CDYL: variants seen among roughly 807,000 people sequenced by gnomAD.
The protein encoded by CDYL is chromodomain Y-like protein.
A neutral mutation model predicts 47.3 loss-of-function variants in CDYL; 8 were observed. The observed-to-expected ratio is 0.17, with a 90% confidence interval of 0.10 to 0.31. CDYL has a LOEUF of 0.31. Ranked by LOEUF, CDYL falls within the 10% of genes least tolerant of loss-of-function variation. CDYL has a pLI of 1.00. For synonymous variants in CDYL, 266 were observed against 265.0 expected, an observed-to-expected ratio of 1.00 and a Z score of -0.04; for missense variants, 471 against 701.4, an observed-to-expected ratio of 0.67 and a Z score of 3.71.
At chr6:4,707,992 A>G (rs1454441019) in intron 1 of CDYL, among the ~76,000 whole-genome samples, 1 of 149,608 alleles carries the variant, frequency 6.7e-6, no homozygotes, top group Non-Finnish European at 1.5e-5. Context: ...TTTAAAAAAT[A>G]TTAATTCTGT....
chr6:4,835,639 C>G (rs941368126), intron 1 of CDYL, among the ~76,000 whole-genome samples: 1 of 152,180 alleles, frequency 6.6e-6, no homozygotes, highest in Non-Finnish European at 1.5e-5. Context: ...GCAGAGCTTA[C>G]TGCTGTCTTT....
rs549758411 is a variant in CDYL at position 4,781,980 on chromosome 6, C to A, written c.24+5173C>A. Among the ~76,000 whole-genome samples the A allele has an allele frequency of 1.1e-4, 15 of 140,334 alleles. No individual in the cohort carries two copies. The South Asian group carries it at 3.0e-3, about 28-fold the overall frequency. The allele number at this position is 140,334 out of a possible 152,430, so 92.1% of individuals were successfully genotyped here. The stretch of plus-strand genomic sequence containing the variant: ...GACAGGAATCTTATGTTCCGAGAAG[C>A]TTCTTTTTGGAATGCAGGTGGATTT... On this transcript the variant is annotated intron_variant, in intron 1 of 6. Coordinates refer to ENST00000397588, the MANE Select transcript of CDYL (RefSeq NM_004824.4).
At chr6:4,942,466 T>G (rs1758388235) in intron 4 of CDYL, among the ~76,000 whole-genome samples, 1 of 152,202 alleles carries the variant, frequency 6.6e-6, no homozygotes, top group Non-Finnish European at 1.5e-5. Flanking sequence ...GCATCTAGAT[T>G]GTTATTTTCA....
In CDYL at chr6:4,892,052, A is replaced by G. The variant is rs200953580; in HGVS notation, c.364A>G (p.Asn122Asp). 8 of 1,614,098 alleles carry G rather than the reference A, an allele frequency of 5.0e-6. No individual in the cohort carries two copies. The highest frequency in any genetic ancestry group is 5.9e-6 in the Non-Finnish European group (7 of 1,180,046). The change falls in exon 2 of 7, where the codon AAC (asparagine) becomes GAC (aspartate). Residue 122 changes from asparagine (N) to aspartate (D), a missense_variant. Asn to Asp is a conservative substitution (Grantham distance 23, BLOSUM62 1). Transcript: ENST00000397588. ...LFAASQKFRK[N>D]TAPSLSSRKN... ...TGCTGCCAGCCAGAAGTTCAGGAAG[A>G]ACACAGCTCCATCTCTCTCCAGCCG...
intron 1 of CDYL, among the ~76,000 whole-genome samples, chr6:4,811,494 C>G (rs1446537032): frequency 1.3e-5 from 2 of 152,032 alleles, no homozygotes; most frequent in Non-Finnish European, 2.9e-5. Flanking sequence ...AGTTGGCCCT[C>G]TCTGTACTTA....
chr6:4,812,662 G>GTCT (rs1759562235), intron 1 of CDYL, among the ~76,000 whole-genome samples: 1 of 151,904 alleles, frequency 6.6e-6, no homozygotes, highest in African/African-American at 2.4e-5. Context: ...AAATTCCACA[G>GTCT]TCTTCTATAG....
intron 2 of CDYL, among the ~76,000 whole-genome samples, chr6:4,912,115 A>G (rs1757431281): frequency 6.6e-6 from 1 of 152,240 alleles, no homozygotes; most frequent in Non-Finnish European, 1.5e-5. Flanking sequence ...AGCGCTAAAC[A>G]GTCAAATGAA....
chr6:4,717,102 G>A (rs952112732), intron 2 of CDYL, among the ~76,000 whole-genome samples: 7 of 152,102 alleles, frequency 4.6e-5, no homozygotes, highest in African/African-American at 1.2e-4. Context: ...AGAAAAGGGT[G>A]GGTAGGATAT....
intron 1 of CDYL, among the ~76,000 whole-genome samples, chr6:4,813,075 A>T (rs964169528): frequency 6.6e-6 from 1 of 152,180 alleles, no homozygotes; most frequent in Non-Finnish European, 1.5e-5. Context: ...TTTGCTGGAC[A>T]CTGTTTTAAT....
intron 1 of CDYL, among the ~76,000 whole-genome samples, chr6:4,887,067 G>A (rs960662379): frequency 2.0e-5 from 3 of 152,122 alleles, no homozygotes; most frequent in African/African-American, 4.8e-5. Flanking sequence ...GTAGTTCCAC[G>A]CTGCCAGTTT....
rs780347868 is a variant in CDYL at position 4,891,996 on chromosome 6, A to G, written c.308A>G (p.Lys103Arg). The G allele has an allele frequency of 3.1e-6, 5 of 1,614,210 alleles. No homozygotes were observed. Among genetic ancestry groups the G allele is most frequent in the South Asian group, 1.1e-5 (1 of 91,084 alleles). ...TCTCCTAAGGCACTCGTGATTGGGA[A>G]AGACCACGAATCCAAAAACAGCCAG... is the stretch of plus-strand genomic sequence containing the variant. Reference protein sequence around the residue: ...KTSPKALVIGKDHESKNSQLF... With the variant: ...KTSPKALVIGRDHESKNSQLF... The change falls in exon 2 of 7, where the codon AAA becomes AGA. Residue 103 changes from lysine (K) to arginine (R), a missense_variant. Around this residue, in one of 3 missense-constraint regions of CDYL, gnomAD observed 311 missense variants for 350.0 expected, o/e 0.89. Transcript: ENST00000397588.
chr6:4,752,499 G>T (rs1214025734), intron 3 of CDYL, among the ~76,000 whole-genome samples: 1 of 152,106 alleles, frequency 6.6e-6, no homozygotes, highest in African/African-American at 2.4e-5. Context: ...CACAGATGGG[G>T]TCGAAATCAG....
chr6:4,868,268 T>C (rs1003359449), intron 1 of CDYL, among the ~76,000 whole-genome samples: 9 of 151,972 alleles, frequency 5.9e-5, no homozygotes, highest in African/African-American at 2.2e-4. Context: ...AGCACTACAT[T>C]GGCTACATTT....
At chr6:4,945,786 A>G (rs2127526138) in intron 5 of CDYL, among the ~76,000 whole-genome samples, 1 of 152,312 alleles carries the variant, frequency 6.6e-6, no homozygotes, top group Admixed American at 6.5e-5. Flanking sequence ...CAGGTGCTAT[A>G]TGTGACTTAG....
At chr6:4,804,472 C>G (rs554263384) in intron 1 of CDYL, among the ~76,000 whole-genome samples, 1 of 152,154 alleles carries the variant, frequency 6.6e-6, no homozygotes, top group East Asian at 1.9e-4. Flanking sequence ...CTTTGTCTTA[C>G]GACCGCATCT....
At chr6:4,718,669 C>A (rs1021038413) in intron 2 of CDYL, 1 of 152,072 alleles carries the variant, frequency 6.6e-6, no homozygotes, top group African/African-American at 2.4e-5. Flanking sequence ...TAGTACCAAA[C>A]TTTTCTATTT....
chr6:4,867,617 A>G (rs1761357042), intron 1 of CDYL, among the ~76,000 whole-genome samples: 2 of 152,266 alleles, frequency 1.3e-5, no homozygotes, highest in South Asian at 4.1e-4. Flanking sequence ...ATGGAATATT[A>G]CATTAATTGA....
intron 1 of CDYL, among the ~76,000 whole-genome samples, chr6:4,810,677 G>A (rs74485304): frequency 0.024 from 3,718 of 152,174 alleles, 164 homozygotes; most frequent in African/African-American, 0.085. Context: ...TCATAGTCCT[G>A]GGGGCCCAGA....
At chr6:4,824,940 G>A (rs1218763216) in intron 1 of CDYL, among the ~76,000 whole-genome samples, 1 of 151,704 alleles carries the variant, frequency 6.6e-6, no homozygotes. Flanking sequence ...GCATGATCTC[G>A]GCTCACTGCA....
Sources: allele counts gnomAD v4.1 joint callset (sites outside exome capture counted in the v4.1 genomes callset), GRCh38; gene constraint gnomAD v4.1.1; regional missense constraint gnomAD v4.1.1; transcripts MANE v1.5; gene names NCBI Gene and HGNC (gene_info 2026-07-23, HGNC 2026-07-21).